MICAL2: variants seen among roughly 807,000 people sequenced by gnomAD.
MICAL2 encodes the protein microtubule associated monooxygenase, calponin and LIM domain containing 2, also known as [F-actin]-monooxygenase MICAL2.
MICAL2 carries 77 observed loss-of-function variants against 127.3 expected under a neutral mutation model. The observed-to-expected ratio is 0.60, with a 90% CI of 0.50 to 0.73. The LOEUF is 0.73. Ranked by LOEUF, MICAL2 falls within the 30% of genes least tolerant of loss-of-function variation. The pLI, the probability that MICAL2 is intolerant of heterozygous loss-of-function variation, is 0.00. For missense variants in MICAL2, 1,351 were observed against 1,434.4 expected, an observed-to-expected ratio of 0.94 and a Z score of 0.94; for synonymous variants, 570 against 551.1, an observed-to-expected ratio of 1.03 and a Z score of -0.48.
At chr11:12,189,988 C>T (rs530878576) in intron 3 of MICAL2, among the ~76,000 whole-genome samples, 1 of 152,310 alleles carries the variant, frequency 6.6e-6, no homozygotes, top group African/African-American at 2.4e-5. Context: ...TGGAGCCTCC[C>T]GATGTCTAGA....
exon 35 of MICAL2, chr11:12,358,467 G>T (rs1362872432): frequency 3.7e-5 from 60 of 1,614,086 alleles, no homozygotes; most frequent in Non-Finnish European, 5.1e-5. Context: ...GCTGTCAGCT[G>T]AGCAGGACTT....
intron 18 of MICAL2, among the ~76,000 whole-genome samples, chr11:12,241,570 C>G (rs1859963684): frequency 6.6e-6 from 1 of 152,186 alleles, no homozygotes; most frequent in Non-Finnish European, 1.5e-5. Context: ...AGGGGTAAGG[C>G]TGGGATGTGG....
At chr11:12,227,780 C>G (rs997734041) in intron 15 of MICAL2, among the ~76,000 whole-genome samples, 7 of 152,086 alleles carry the variant, frequency 4.6e-5, no homozygotes, top group Non-Finnish European at 8.8e-5. Flanking sequence ...AAATAAATAC[C>G]TAACAGTTTC....
chr11:12,148,988 C>T (rs2133700412), intron 2 of MICAL2, among the ~76,000 whole-genome samples: 2 of 152,312 alleles, frequency 1.3e-5, no homozygotes, highest in South Asian at 2.1e-4. Context: ...CTCCTCCAGG[C>T]TCACACACCT....
downstream of MICAL2, among the ~76,000 whole-genome samples, chr11:12,359,835 G>A (rs899159067): frequency 4.6e-5 from 7 of 152,198 alleles, no homozygotes; most frequent in South Asian, 4.1e-4. Flanking sequence ...CTCTCATTTC[G>A]GCAAGTGTTT....
intron 6 of MICAL2, among the ~76,000 whole-genome samples, chr11:12,210,556 C>T (rs182485266): frequency 6.6e-6 from 1 of 152,338 alleles, no homozygotes; most frequent in East Asian, 1.9e-4. Context: ...TCCCTTTTCC[C>T]TTTCCATACC....
intron 3 of MICAL2, among the ~76,000 whole-genome samples, chr11:12,192,527 A>G (rs1859328274): frequency 6.6e-6 from 1 of 152,126 alleles, no homozygotes; most frequent in South Asian, 2.1e-4. Context: ...TAATCTCAAC[A>G]CTTTGGGAGG....
chr11:12,186,116 C>T (rs558473772), intron 3 of MICAL2, among the ~76,000 whole-genome samples: 97 of 152,320 alleles, frequency 6.4e-4, no homozygotes, highest in Non-Finnish European at 1.2e-3. Flanking sequence ...GATTAACTGG[C>T]GCCTGCACTT....
intron 32 of MICAL2, among the ~76,000 whole-genome samples, chr11:12,336,434 T>A (rs542143371): frequency 4.7e-4 from 72 of 152,338 alleles, no homozygotes; most frequent in African/African-American, 1.7e-3. Flanking sequence ...CCTAATTGAA[T>A]GCCCTTTATT....
intron 1 of MICAL2, chr11:12,116,982 A>C (rs922715119): frequency 1.3e-5 from 2 of 152,030 alleles, no homozygotes; most frequent in African/African-American, 4.8e-5. Context: ...TATTTGAGCT[A>C]ATGTTTCTCT....
rs1436684417 is a variant in MICAL2, at chr11:12,222,666, A to G, written c.1372A>G (p.Lys458Glu). 1.2e-6 allele frequency: 2 copies of G among 1,614,210 alleles called. No individual in the cohort carries two copies. The highest frequency in any genetic ancestry group is 1.7e-6 in the Non-Finnish European group (2 of 1,180,028). Residue 458 changes from lysine to glutamate, a missense_variant, in exon 11 of 28, where the codon AAG becomes GAG. By Grantham distance (56) the Lys-to-Glu change is moderately conservative. Around this residue, in one of 2 missense-constraint regions of MICAL2, gnomAD observed 599 missense variants for 714.9 expected, o/e 0.84. Transcript: ENST00000683283. Reference sequence around the variant, plus strand: ...TCAGACAACCCCGGAGAACATCAACAAGAACTTTGAGCAGTACACGTTGGA... The same window carrying G: ...TCAGACAACCCCGGAGAACATCAACGAGAACTTTGAGCAGTACACGTTGGA... ...LPQTTPENIN[K>E]NFEQYTLDPG...
chr11:12,326,136 G>T (rs1864351165), intron 31 of MICAL2, among the ~76,000 whole-genome samples: 1 of 152,150 alleles, frequency 6.6e-6, no homozygotes, highest in Non-Finnish European at 1.5e-5. Context: ...TGCTGTACTT[G>T]TGATTCCAGG....
intron 33 of MICAL2, among the ~76,000 whole-genome samples, chr11:12,350,693 T>A (rs1159346456): frequency 6.6e-6 from 1 of 152,160 alleles, no homozygotes; most frequent in Non-Finnish European, 1.5e-5. Flanking sequence ...CATCAAAATA[T>A]TATCTTTATT....
chr11:12,218,685 G>A (rs1856477618), intron 8 of MICAL2, among the ~76,000 whole-genome samples: 1 of 152,202 alleles, frequency 6.6e-6, no homozygotes, highest in Non-Finnish European at 1.5e-5. Context: ...GGACACTGGG[G>A]CCTGACAAAG....
At chr11:12,193,278 A>G (rs1355757290) in intron 3 of MICAL2, among the ~76,000 whole-genome samples, 2 of 152,236 alleles carry the variant, frequency 1.3e-5, no homozygotes, top group African/African-American at 4.8e-5. Context: ...CGGCTGTAGA[A>G]TAGCATGGTA....
At chr11:12,144,069 G>T (rs1852633073) in intron 2 of MICAL2, among the ~76,000 whole-genome samples, 1 of 152,158 alleles carries the variant, frequency 6.6e-6, no homozygotes, top group Admixed American at 6.5e-5. Context: ...ATTGAACTTT[G>T]AGCCTGAATT....
intron 29 of MICAL2, among the ~76,000 whole-genome samples, chr11:12,309,774 C>T (rs1428693721): frequency 1.3e-5 from 2 of 152,048 alleles, no homozygotes; most frequent in African/African-American, 4.8e-5. Flanking sequence ...GGTTTTACTA[C>T]TTTATATTCC....
chr11:12,275,809 G>T (rs913644409), upstream of MICAL2, among the ~76,000 whole-genome samples: 2 of 152,218 alleles, frequency 1.3e-5, no homozygotes, highest in African/African-American at 4.8e-5. Flanking sequence ...TGCCCTAAAT[G>T]CCTGGGCATC....
intron 2 of MICAL2, among the ~76,000 whole-genome samples, chr11:12,285,530 G>T (rs960111439): frequency 1.3e-5 from 2 of 152,202 alleles, no homozygotes; most frequent in African/African-American, 4.8e-5. Flanking sequence ...GCCCAGGAAT[G>T]AACAAAGACA....
Sources: gnomAD v4.1 joint callset for allele counts (sites outside exome capture counted in the v4.1 genomes callset) on GRCh38, gnomAD v4.1.1 for gene constraint, gnomAD v4.1.1 regional missense constraint, MANE v1.5 for transcripts, NCBI Gene and HGNC (gene_info 2026-07-23, HGNC 2026-07-21) for gene names.